NALCN: variants seen among roughly 807,000 people sequenced by gnomAD.
NALCN encodes sodium leak channel NALCN.
A neutral mutation model predicts 225.3 loss-of-function variants in NALCN; 111 were observed. The observed-to-expected ratio is 0.49, with a 90% CI of 0.42 to 0.58. The LOEUF (loss-of-function observed/expected upper bound fraction) is 0.58, where lower values mean the gene tolerates loss of function less well. NALCN is among the 20% of genes least tolerant of loss of function. The probability of loss-of-function intolerance (pLI) is 0.00; values close to 1 mark genes in which losing one functional copy is unlikely to be tolerated. For missense variants in NALCN, 1,378 were observed against 2,202.4 expected, an observed-to-expected ratio of 0.63 and a Z score of 7.49; for synonymous variants, 764 against 769.0, an observed-to-expected ratio of 0.99 and a Z score of 0.11.
chr13:101,229,281 T>C, intron 13 of NALCN, 112 bp downstream of exon 13: 1 of 1,050,696 alleles, frequency 9.5e-7, no homozygotes, highest in Admixed American at 2.8e-5. Context: ...TCCCAAGTTA[T>C]CAAAAATAGG....
intron 13 of NALCN, among the ~76,000 whole-genome samples, chr13:101,193,007 T>C (rs1422096374): frequency 1.3e-5 from 2 of 151,926 alleles, no homozygotes; most frequent in Admixed American, 6.6e-5. Context: ...TCCAGGATAA[T>C]GCAAGGATGG....
intron 17 of NALCN, among the ~76,000 whole-genome samples, chr13:101,129,869 C>G (rs944219840): frequency 2.6e-5 from 4 of 151,920 alleles, no homozygotes; most frequent in Non-Finnish European, 4.4e-5. Context: ...TATCCCTCCC[C>G]TTGCCCCCCA....
intron 13 of NALCN, among the ~76,000 whole-genome samples, chr13:101,222,457 T>G (rs1164749142): frequency 1.3e-5 from 2 of 152,134 alleles, no homozygotes; most frequent in Admixed American, 1.3e-4. Flanking sequence ...CTGATCTAAT[T>G]GAAAGTTCTC....
At chr13:101,335,251 T>C (rs2045340083) in intron 7 of NALCN, among the ~76,000 whole-genome samples, 1 of 152,214 alleles carries the variant, frequency 6.6e-6, no homozygotes, top group African/African-American at 2.4e-5. Context: ...ATGCCTGCAA[T>C]TTCTGCCTTT....
intron 14 of NALCN, among the ~76,000 whole-genome samples, 189 bp from the exon 15 acceptor site, chr13:101,176,563 G>A (rs544232122): frequency 8.5e-5 from 13 of 152,196 alleles, no homozygotes; most frequent in African/African-American, 2.6e-4. Flanking sequence ...AAATGCATAC[G>A]TTCATTGAAA....
At chr13:101,212,398 T>C (rs1441877810) in intron 13 of NALCN, among the ~76,000 whole-genome samples, 2 of 152,206 alleles carry the variant, frequency 1.3e-5, no homozygotes, top group African/African-American at 2.4e-5. Flanking sequence ...TATTGTAGCA[T>C]ATGTCACCTT....
intron 6 of NALCN, among the ~76,000 whole-genome samples, chr13:101,363,370 G>A (rs1256947032): frequency 2.6e-5 from 4 of 152,034 alleles, no homozygotes; most frequent in South Asian, 2.1e-4. Context: ...AAACCAGCAT[G>A]GTACTGGTAA....
intron 37 of NALCN, 26 bp from the exon 38 acceptor site, chr13:101,068,853 G>T: frequency 6.3e-7 from 1 of 1,583,984 alleles, no homozygotes. Context: ...GTGGAAGAAG[G>T]AGAGGATAAG....
At chr13:101,275,741 C>T (rs920800485) in intron 10 of NALCN, among the ~76,000 whole-genome samples, 11 of 151,970 alleles carry the variant, frequency 7.2e-5, no homozygotes, top group African/African-American at 2.2e-4. Context: ...GGAAAAGAAA[C>T]CAGGTATGGG....
At chr13:101,110,517 C>G (rs1318790644) in intron 20 of NALCN, 102 bp downstream of exon 20, 6 of 1,236,826 alleles carry the variant, frequency 4.9e-6, no homozygotes, top group Non-Finnish European at 7.0e-6. Context: ...CTTAAGGAGA[C>G]ATGGGAATGC....
In NALCN at chr13:101,415,224, T is replaced by TATATATATATATATATATAC. The variant is rs1566669133; in HGVS notation, c.-40+1088_-40+1089insGTATATATATATATATATAT. On this transcript the variant is annotated intron_variant, in intron 1 of 43. Coordinates refer to ENST00000251127, the MANE Select transcript of NALCN (RefSeq NM_052867.4). Reference sequence around the variant, plus strand: ...AATCACACACATATATATATATATATACATACATATATATTTCAAAATCGC... The same window carrying TATATATATATATATATATAC: ...AATCACACACATATATATATATATATATATATATATATATATATACACATACATATATATTTCAAAATCGC... Among the ~76,000 whole-genome samples, 24 of 76,758 alleles carry TATATATATATATATATATAC rather than the reference T, an allele frequency of 3.1e-4. 1 individual carries two copies. The highest frequency in any genetic ancestry group is 1.4e-3 in the African/African-American group (17 of 12,092). The allele number at this position is 76,758 out of a possible 152,430, so 50.4% of individuals were successfully genotyped here. A position where few individuals can be genotyped will look rare whatever the true frequency, so the allele number is the denominator to read the frequency against.
At chr13:101,140,985 G>C (rs1245894502) in intron 17 of NALCN, among the ~76,000 whole-genome samples, 2 of 152,018 alleles carry the variant, frequency 1.3e-5, no homozygotes, top group Non-Finnish European at 2.9e-5. Context: ...GACAGCTAAG[G>C]GTAATATGCA....
chr13:101,094,379 C>G (rs1461789385), intron 28 of NALCN, among the ~76,000 whole-genome samples: 3 of 152,174 alleles, frequency 2.0e-5, no homozygotes, highest in African/African-American at 7.2e-5. Context: ...CTACCTTTCT[C>G]TATAGTGAAG....
chr13:101,410,276 C>A (rs76993242), intron 1 of NALCN, among the ~76,000 whole-genome samples: 3,521 of 152,292 alleles, frequency 0.023, 65 homozygotes, highest in South Asian at 0.045. Flanking sequence ...GTGATCCCTG[C>A]ACACCTCTCC....
chr13:101,200,595 A>T (rs919347034), intron 13 of NALCN, among the ~76,000 whole-genome samples: 2 of 152,130 alleles, frequency 1.3e-5, no homozygotes, highest in African/African-American at 4.8e-5. Flanking sequence ...TTAAACATCA[A>T]CATAGGTGGG....
chr13:101,059,784 G>A (rs1210832178), intron 42 of NALCN, 34 bp downstream of exon 42: 1 of 1,589,564 alleles, frequency 6.3e-7, no homozygotes, highest in South Asian at 1.1e-5. Context: ...AGCCCACAGA[G>A]TGTCCTGGGA....
chr13:101,198,955 G>A (rs1162963630), intron 13 of NALCN, among the ~76,000 whole-genome samples: 1 of 152,016 alleles, frequency 6.6e-6, no homozygotes, highest in Non-Finnish European at 1.5e-5. Context: ...AGAATACTAT[G>A]CAGCCATAAA....
intron 14 of NALCN, among the ~76,000 whole-genome samples, chr13:101,182,039 C>A (rs1012347589): frequency 2.9e-5 from 4 of 138,572 alleles, no homozygotes; most frequent in Non-Finnish European, 6.0e-5. Context: ...GAGGCTGAGG[C>A]AGGAGAATGG....
chr13:101,270,332 C>T (rs2140249757), intron 10 of NALCN, among the ~76,000 whole-genome samples: 1 of 152,308 alleles, frequency 6.6e-6, no homozygotes, highest in East Asian at 1.9e-4. Flanking sequence ...TTGACATTCC[C>T]ACAGCTAATT....
Sources: gnomAD v4.1 joint callset for allele counts (sites outside exome capture counted in the v4.1 genomes callset) on GRCh38, gnomAD v4.1.1 for gene constraint, MANE v1.5 for transcripts, NCBI Gene and HGNC (gene_info 2026-07-23, HGNC 2026-07-21) for gene names.